The following ATP1A4 variants were observed in gnomAD, a reference collection of about 807,000 sequenced individuals.
ATP1A4 encodes ATPase Na+/K+ transporting subunit alpha 4, also known as sodium/potassium-transporting ATPase subunit alpha-4.
In ATP1A4, 90 loss-of-function variants were observed where a neutral mutation model predicts 114.3. The observed-to-expected ratio is 0.79, with a 90% confidence interval of 0.66 to 0.94. The LOEUF is 0.94. Among genes scored for constraint, ATP1A4 ranks in the 40% least tolerant of loss-of-function variants. The probability of loss-of-function intolerance (pLI) is 0.00; values close to 1 mark genes in which losing one functional copy is unlikely to be tolerated. For synonymous variants in ATP1A4, 511 were observed against 494.1 expected (o/e 1.03, Z -0.45); for missense variants, 1,222 against 1,313.6 (o/e 0.93, Z 1.08).
chr1:160,183,944 T>A (rs12119168), intron 20 of ATP1A4, among the ~76,000 whole-genome samples: 48,663 of 149,440 alleles, frequency 0.33, 8,602 homozygotes, highest in East Asian at 0.7. Flanking sequence ...AAATATCTTA[T>A]TGATAATGCT....
At chr1:160,168,377 C>CT (rs11397218) in intron 10 of ATP1A4, among the ~76,000 whole-genome samples, 65,480 of 96,612 alleles carry the variant, frequency 0.68, 22,897 homozygotes, top group Non-Finnish European at 0.73. Flanking sequence ...CTGCTGGTAT[C>CT]TTTTTTTTTT....
chr1:160,186,785 T>G lies in ATP1A4; in HGVS notation c.*86T>G, dbSNP rs976702901. On this transcript the variant is annotated 3_prime_UTR_variant, in exon 22 of 22. Coordinates refer to ENST00000368081, the MANE Select transcript of ATP1A4 (RefSeq NM_144699.4). ...GAGATTATAAGTTTGACACAACATC[T>G]GAGACACTAGGATGAATTATCTTGG... The G allele has an allele frequency of 4.3e-5, 59 of 1,370,788 alleles. No homozygotes were observed. Among genetic ancestry groups the G allele is most frequent in the Non-Finnish European group, 5.5e-5 (54 of 978,894 alleles). 84.9% of individuals were successfully genotyped at this position (1,370,788 alleles called of 1,614,324 possible).
intron 3 of ATP1A4, 71 bp from the exon 4 acceptor site, chr1:160,155,974 C>A (rs1468673072): frequency 7.6e-6 from 7 of 926,382 alleles, no homozygotes; most frequent in Non-Finnish European, 1.3e-5. Context: ...GTGCCCCTTG[C>A]AGACTGATTT....
intron 18 of ATP1A4, among the ~76,000 whole-genome samples, chr1:160,179,841 G>A (rs1466298545): frequency 6.6e-6 from 1 of 152,192 alleles, no homozygotes; most frequent in African/African-American, 2.4e-5. Context: ...TCAAGATATT[G>A]TAAGTCCAAG....
intron 14 of ATP1A4, 96 bp downstream of exon 14, chr1:160,174,357 G>T (rs1653378371): frequency 6.5e-7 from 1 of 1,543,486 alleles, no homozygotes; most frequent in Non-Finnish European, 8.8e-7. Context: ...CTGGGCTAGA[G>T]GAGACTCCAG....
rs1440253765 is a variant in ATP1A4, at chr1:160,186,019, C to T, written c.2970-257C>T. Reference sequence around the variant, plus strand: ...CTAAGGCATGAGAATCGCTTAAATCCGGGAGGCAGAGGTTGCAGTGAGCCG... The same window carrying T: ...CTAAGGCATGAGAATCGCTTAAATCTGGGAGGCAGAGGTTGCAGTGAGCCG... On this transcript the variant is annotated intron_variant, in intron 20 of 21. Transcript: ENST00000368081. 9.6e-5 allele frequency among the ~76,000 whole-genome samples: 13 copies of T among 134,896 alleles called. No individual in the cohort carries two copies. The South Asian group carries it at 2.5e-3, about 26-fold the overall frequency. The allele number at this position is 134,896 out of a possible 152,430, so 88.5% of individuals were successfully genotyped here. A position where few individuals can be genotyped will look rare whatever the true frequency, so the allele number is the denominator to read the frequency against.
chr1:160,178,760 A>G (rs1386995440), intron 18 of ATP1A4, among the ~76,000 whole-genome samples: 1 of 152,210 alleles, frequency 6.6e-6, no homozygotes, highest in Non-Finnish European at 1.5e-5. Flanking sequence ...CCTAGAGGAT[A>G]CCTCTCTATA....
At chr1:160,168,295 C>T (rs1653112729) in intron 10 of ATP1A4, among the ~76,000 whole-genome samples, 1 of 150,932 alleles carries the variant, frequency 6.6e-6, no homozygotes, top group East Asian at 2.0e-4. Flanking sequence ...CAACTCCTTG[C>T]ATTACTGAAA....
At chr1:160,172,322 G>A (rs907282592) in intron 12 of ATP1A4, among the ~76,000 whole-genome samples, 4 of 152,178 alleles carry the variant, frequency 2.6e-5, no homozygotes, top group Admixed American at 2.6e-4. Context: ...GAGGCTAGGA[G>A]GCCTGGGGCT....
At chr1:160,185,705 G>T (rs1444870278) in intron 20 of ATP1A4, among the ~76,000 whole-genome samples, 2 of 151,786 alleles carry the variant, frequency 1.3e-5, no homozygotes, top group African/African-American at 4.8e-5. Context: ...CGGATCACAA[G>T]GTCTGGAGTT....
At chr1:160,152,394 C>T (rs1023823649) in intron 1 of ATP1A4, among the ~76,000 whole-genome samples, 13 of 151,196 alleles carry the variant, frequency 8.6e-5, no homozygotes, top group Non-Finnish European at 1.8e-4. Flanking sequence ...AGGTATATTG[C>T]AGACACCTGT....
At chr1:160,171,933 G>A (rs981693036) in intron 12 of ATP1A4, among the ~76,000 whole-genome samples, 176 bp downstream of exon 12, 6 of 152,146 alleles carry the variant, frequency 3.9e-5, no homozygotes, top group Non-Finnish European at 8.8e-5. Context: ...AATTCTACTT[G>A]CATTGAACAT....
intron 1 of ATP1A4, 23 bp downstream of exon 1, chr1:160,152,210 C>T (rs974692764): frequency 1.9e-6 from 3 of 1,609,328 alleles, no homozygotes; most frequent in Non-Finnish European, 2.5e-6. Flanking sequence ...AAAGTGGGCG[C>T]TGACAGCTGC....
At chr1:160,155,622 G>A (rs1010626557) in intron 3 of ATP1A4, among the ~76,000 whole-genome samples, 3 of 151,804 alleles carry the variant, frequency 2.0e-5, no homozygotes, top group African/African-American at 7.3e-5. Context: ...AAAGCTTCTG[G>A]TCCAGTTCCC....
Position 160,176,583 on chromosome 1 carries a change from C to A in ATP1A4, c.2571C>A (p.Gly857=). ...ATCTGGTGAACCACCGTCTCATTGG[C>A]ATGGCCTATGGACAGATTGGTGCGC... The part of the protein sequence containing the change: ...TDNLVNHRLI[G]MAYGQIGMIQ... The change falls in exon 17 of 22, where the codon GGC becomes GGA. Residue 857 remains glycine (G), a synonymous_variant. Coordinates refer to ENST00000368081, the MANE Select transcript of ATP1A4 (RefSeq NM_144699.4). 1 of 1,614,148 alleles carries A rather than the reference C, an allele frequency of 6.2e-7. No individual in the cohort carries two copies. The highest frequency in any genetic ancestry group is 8.5e-7 in the Non-Finnish European group (1 of 1,180,040).
At chr1:160,155,864 C>T (rs1442250289) in intron 3 of ATP1A4, among the ~76,000 whole-genome samples, 181 bp from the exon 4 acceptor site, 1 of 152,164 alleles carries the variant, frequency 6.6e-6, no homozygotes, top group Non-Finnish European at 1.5e-5. Flanking sequence ...CTCAGGGTTC[C>T]TTCCCCAGGA....
rs113311614 is a variant in ATP1A4, at chr1:160,180,123, G to A, written c.2737-1561G>A. The stretch of plus-strand genomic sequence containing the variant: ...AAACAAGGACAGAAGTAATCGTGGA[G>A]TAACAGTGTCAGAAGCTAAAATCTT... On this transcript the variant is annotated intron_variant, in intron 18 of 21. Coordinates refer to ENST00000368081, the MANE Select transcript of ATP1A4 (RefSeq NM_144699.4). 1.1e-4 allele frequency among the ~76,000 whole-genome samples: 16 copies of A among 152,308 alleles called. 1 individual carries two copies. The highest frequency in any genetic ancestry group is 3.8e-4 in the African/African-American group (16 of 41,564).
At chr1:160,171,007 C>G (rs1366064609) in intron 10 of ATP1A4, 2 of 388,464 alleles carry the variant, frequency 5.1e-6, no homozygotes, top group Admixed American at 8.3e-5. Context: ...GGTTCTGCCC[C>G]CAGGGAGCTT....
chr1:160,184,139 G>T (rs1323393637), intron 20 of ATP1A4, among the ~76,000 whole-genome samples: 1 of 152,072 alleles, frequency 6.6e-6, no homozygotes, highest in African/African-American at 2.4e-5. Context: ...TTTTAGTAGA[G>T]ACGGGGTTTC....
Sources: gnomAD v4.1 joint callset for allele counts (sites outside exome capture counted in the v4.1 genomes callset) on GRCh38, gnomAD v4.1.1 for gene constraint, MANE v1.5 for transcripts, NCBI Gene and HGNC (gene_info 2026-07-23, HGNC 2026-07-21) for gene names.